Variants in PRRG4 observed in about 807,000 individuals in gnomAD.
PRRG4 encodes proline rich and Gla domain 4, also known as transmembrane gamma-carboxyglutamic acid protein 4.
In PRRG4, 12 loss-of-function variants were observed where a neutral mutation model predicts 20.0. That is an observed-to-expected ratio of 0.60 (90% confidence interval 0.38 to 0.97). The LOEUF (loss-of-function observed/expected upper bound fraction) is 0.97. Ranked by LOEUF, PRRG4 falls within the 50% of genes least tolerant of loss-of-function variation. The pLI is 0.00. For synonymous variants in PRRG4, 94 were observed against 96.4 expected, an observed-to-expected ratio of 0.98 and a Z score of 0.15; for missense variants, 199 against 265.1, an observed-to-expected ratio of 0.75 and a Z score of 1.73.
intron 5 of PRRG4, among the ~76,000 whole-genome samples, chr11:32,851,478 C>T (rs1280235330): frequency 6.6e-6 from 1 of 152,180 alleles, no homozygotes; most frequent in East Asian, 1.9e-4. Context: ...TCTAAGTAAA[C>T]TTGTGATCCT....
chr11:32,837,532 G>GATTATT (rs750257070), intron 3 of PRRG4, among the ~76,000 whole-genome samples: 3 of 111,494 alleles, frequency 2.7e-5, no homozygotes, highest in Admixed American at 1.8e-4. Flanking sequence ...TGATGATGAT[G>GATTATT]ATGATGATGA....
In PRRG4 at chr11:32,853,298, C is replaced by A. The variant is rs148253975; in HGVS notation, c.452C>A (p.Ser151Tyr). 1,199 of 1,612,840 alleles carry A rather than the reference C, an allele frequency of 7.4e-4. 9 individuals carry two copies. In the African/African-American group the frequency reaches 0.012, roughly 15 times the overall value. ...TKCNRLQHPCSSAVYERGRHT... is the reference protein window; with the variant it reads ...TKCNRLQHPCYSAVYERGRHT... ...CTAAATGTTGTCTCTCTGCTTAGCT[C>A]TTCAGCCGTCTATGAAAGGGGGAGG... The change falls in exon 6 of 6, where the codon TCT (serine) becomes TAT (tyrosine). Residue 151 changes from serine (S) to tyrosine (Y), a missense_variant and splice_region_variant. By Grantham distance (144) the Ser-to-Tyr change is moderately radical. Transcript: ENST00000257836.
rs1211480787 is a variant in PRRG4 at position 32,838,946 on chromosome 11, A to T, written c.316+16A>T. 6 of 1,568,778 alleles carry T rather than the reference A, an allele frequency of 3.8e-6. No individual in the cohort carries two copies. The Admixed American group carries it at 1.0e-4, about 26-fold the overall frequency. On this transcript the variant is annotated intron_variant, in intron 4 of 5. Coordinates refer to ENST00000257836, the MANE Select transcript of PRRG4 (RefSeq NM_024081.6). ...ACAAAATCAGGTAAAACAAGAATTG[A>T]TCAAATTTAATGCTTTTCTCATCCT... is the stretch of plus-strand genomic sequence containing the variant.
intron 1 of PRRG4, 129 bp downstream of exon 1, chr11:32,830,302 G>T: frequency 1.2e-6 from 1 of 846,684 alleles, no homozygotes; most frequent in Non-Finnish European, 1.6e-6. Context: ...TCAGCCCTCG[G>T]CAGGGTCACT....
intron 5 of PRRG4, among the ~76,000 whole-genome samples, chr11:32,843,503 C>A (rs988401855): frequency 2.6e-5 from 4 of 151,726 alleles, no homozygotes; most frequent in Non-Finnish European, 4.4e-5. Flanking sequence ...TTGCACCAAC[C>A]TAATAACATA....
chr11:32,851,654 A>G (rs1851184213), intron 5 of PRRG4, among the ~76,000 whole-genome samples: 1 of 152,192 alleles, frequency 6.6e-6, no homozygotes, highest in Admixed American at 6.5e-5. Flanking sequence ...ATATTGACTG[A>G]TTTAATTTGG....
At chr11:32,851,939 AC>A (rs1851187014) in intron 5 of PRRG4, among the ~76,000 whole-genome samples, 1 of 152,224 alleles carries the variant, frequency 6.6e-6, no homozygotes, top group African/African-American at 2.4e-5. Context: ...ATGTATAGAT[AC>A]TTTATAAATA....
At chr11:32,852,294 T>C (rs954600930) in intron 5 of PRRG4, among the ~76,000 whole-genome samples, 9 of 152,138 alleles carry the variant, frequency 5.9e-5, no homozygotes, top group Admixed American at 3.9e-4. Context: ...AGAGAGGCTT[T>C]GAAGAGAAGG....
intron 5 of PRRG4, among the ~76,000 whole-genome samples, chr11:32,843,756 G>A (rs1451581815): frequency 6.7e-6 from 1 of 148,722 alleles, no homozygotes. Context: ...TTTTGCAACA[G>A]TGAAGTTCTG....
At chr11:32,830,416 G>C (rs1326592535) in intron 1 of PRRG4, 92 bp from the exon 2 acceptor site, 1 of 1,089,156 alleles carries the variant, frequency 9.2e-7, no homozygotes, top group Non-Finnish European at 1.2e-6. Flanking sequence ...CCTAGGCTTT[G>C]AGTACAACAG....
At chr11:32,851,248 A>C (rs1851180645) in intron 5 of PRRG4, among the ~76,000 whole-genome samples, 1 of 152,236 alleles carries the variant, frequency 6.6e-6, no homozygotes, top group African/African-American at 2.4e-5. Context: ...AGCACTGTGT[A>C]GATATTTAAT....
chr11:32,836,410 C>G (rs553517047), intron 2 of PRRG4, among the ~76,000 whole-genome samples: 1 of 152,184 alleles, frequency 6.6e-6, no homozygotes, highest in Non-Finnish European at 1.5e-5. Flanking sequence ...ATAATTTTTA[C>G]TTATACTATT....
chr11:32,838,331 C>T (rs954347342), intron 3 of PRRG4, among the ~76,000 whole-genome samples: 2 of 151,942 alleles, frequency 1.3e-5, no homozygotes, highest in Non-Finnish European at 2.9e-5. Flanking sequence ...TGTCAGGCGC[C>T]TGTAGTTCCA....
At chr11:32,844,807 T>C (rs1455517848) in intron 5 of PRRG4, among the ~76,000 whole-genome samples, 1 of 152,080 alleles carries the variant, frequency 6.6e-6, no homozygotes, top group South Asian at 2.1e-4. Context: ...GGCCCAGCTA[T>C]TATTATTATG....
intron 5 of PRRG4, among the ~76,000 whole-genome samples, chr11:32,852,679 C>G (rs1051583196): frequency 6.6e-6 from 1 of 151,692 alleles, no homozygotes; most frequent in Non-Finnish European, 1.5e-5. Flanking sequence ...TCTGTGGAGA[C>G]AGCTGATACT....
intron 2 of PRRG4, among the ~76,000 whole-genome samples, chr11:32,834,748 G>A (rs1408892857): frequency 6.6e-6 from 1 of 150,910 alleles, no homozygotes; most frequent in Non-Finnish European, 1.5e-5. Flanking sequence ...TTAACACCAA[G>A]TCTTTGAAAT....
intron 5 of PRRG4, among the ~76,000 whole-genome samples, chr11:32,853,070 G>A (rs1324518894): frequency 1.3e-5 from 2 of 150,864 alleles, no homozygotes; most frequent in Admixed American, 6.6e-5. Flanking sequence ...TTACAGGCGT[G>A]AGCCACCACG....
At chr11:32,832,162 T>A (rs899641210) in intron 2 of PRRG4, among the ~76,000 whole-genome samples, 1 of 152,194 alleles carries the variant, frequency 6.6e-6, no homozygotes, top group African/African-American at 2.4e-5. Flanking sequence ...GTTCAGTCAG[T>A]CACCACTTGA....
intron 3 of PRRG4, among the ~76,000 whole-genome samples, chr11:32,837,426 T>G (rs945516538): frequency 1.8e-4 from 27 of 151,934 alleles, no homozygotes; most frequent in Non-Finnish European, 1.3e-4. Context: ...AACTAAATTC[T>G]GTTAATCTTG....
Sources: allele counts gnomAD v4.1 joint callset (sites outside exome capture counted in the v4.1 genomes callset), GRCh38; gene constraint gnomAD v4.1.1; transcripts MANE v1.5; gene names NCBI Gene and HGNC (gene_info 2026-07-23, HGNC 2026-07-21).